Variants in AGPAT1 observed in about 807,000 individuals in gnomAD.
AGPAT1 encodes the protein 1-acylglycerol-3-phosphate O-acyltransferase 1.
In AGPAT1, 6 loss-of-function variants were observed where a neutral mutation model predicts 31.2. The ratio of observed to expected loss-of-function variants is 0.19; its 90% CI spans 0.11 to 0.38. The LOEUF (loss-of-function observed/expected upper bound fraction) is 0.38. AGPAT1 is among the 10% of genes least tolerant of loss of function. The probability of loss-of-function intolerance (pLI) is 1.00; values close to 1 mark genes in which losing one functional copy is unlikely to be tolerated. For synonymous variants in AGPAT1, 139 were observed against 154.0 expected (o/e 0.90, Z 0.72); for missense variants, 187 against 377.8 (o/e 0.49, Z 4.19).
Position 32,171,679 on chromosome 6 carries a change from T to A in AGPAT1, c.-9-174A>T. Reference sequence around the variant, plus strand: ...GGAAGGCTCTCTAGGATGAGGGTGGTGGAGAAAGAGCTCAGGACTGCTCTC... The same window carrying A: ...GGAAGGCTCTCTAGGATGAGGGTGGAGGAGAAAGAGCTCAGGACTGCTCTC... On this transcript the variant is annotated intron_variant, in intron 1 of 6. Coordinates refer to ENST00000375107, the MANE Select transcript of AGPAT1 (RefSeq NM_006411.4). The surrounding 1 kb of genome is among the most constrained non-coding windows in gnomAD (Gnocchi z 6.9). 1 of 823,354 alleles carries A rather than the reference T, an allele frequency of 1.2e-6. No individual in the cohort carries two copies. Among genetic ancestry groups the A allele is most frequent in the Non-Finnish European group, 1.9e-6 (1 of 534,552 alleles). 51.0% of individuals were successfully genotyped at this position (823,354 alleles called of 1,614,324 possible).
In AGPAT1 at chr6:32,169,724, T is replaced by C. The variant is rs1784892462; in HGVS notation, c.679+242A>G. Among the ~76,000 whole-genome samples the C allele has an allele frequency of 6.6e-6, 1 of 152,180 alleles. No individual in the cohort carries two copies. On this transcript the variant is annotated intron_variant, in intron 6 of 6. Transcript: ENST00000375107. This position sits in a 1 kb window ranked among gnomAD's most constrained non-coding sequence, Gnocchi z 5.9. ...ATGAGTGTTATTCATTACAGCTTTGTGCACACAGGCCTTATCTTTCCTGTT... is the reference window on the plus strand; with the variant it reads ...ATGAGTGTTATTCATTACAGCTTTGCGCACACAGGCCTTATCTTTCCTGTT...
Position 32,169,160 on chromosome 6 carries a change from A to AT in AGPAT1, c.*115dup. ...GAAGTTGAAGATTCCAAAGAGGAGA[A>AT]TAAGTGGGGAGAGGGGAGACAAGGA... On this transcript the variant is annotated 3_prime_UTR_variant, in exon 7 of 7. Coordinates refer to ENST00000375107, the MANE Select transcript of AGPAT1 (RefSeq NM_006411.4). This position sits in a 1 kb window ranked among gnomAD's most constrained non-coding sequence, Gnocchi z 5.9. 9.0e-7 allele frequency: 1 copy of AT among 1,111,808 alleles called. No individual in the cohort carries two copies. The highest frequency in any genetic ancestry group is 1.6e-5 in the African/African-American group (1 of 63,878). 68.9% of individuals were successfully genotyped at this position (1,111,808 alleles called of 1,614,324 possible).
Position 32,171,011 on chromosome 6 carries a change from C to T in AGPAT1, c.260G>A (p.Arg87Gln), listed in dbSNP as rs1785049046. The change falls in exon 3 of 7, where the codon CGA (arginine) becomes CAA (glutamine). Residue 87 changes from arginine (R) to glutamine (Q), a missense_variant. By Grantham distance (43) the Arg-to-Gln change is conservative. This residue lies in a region of AGPAT1 where 113 missense variants were observed against 283.1 expected (regional missense o/e 0.40). Transcript: ENST00000375107. The surrounding 1 kb of genome is among the most constrained non-coding windows in gnomAD (Gnocchi z 6.9). The part of the protein sequence containing the change: ...KYLYGIRVEV[R>Q]GAHHFPPSQP... ...CGAGGGAGGGAAGTGGTGAGCCCCT[C>T]GCACCTCCACTCGGATCCCGTACAG... 5.0e-6 allele frequency: 8 copies of T among 1,612,698 alleles called. No individual in the cohort carries two copies. The highest frequency in any genetic ancestry group is 1.3e-5 in the African/African-American group (1 of 74,930).
chr6:32,177,369 C>T (rs1485589730), upstream of AGPAT1: 1 of 333,460 alleles, frequency 3.0e-6, no homozygotes, highest in Non-Finnish European at 5.4e-6. Flanking sequence ...CTAGCCTCCG[C>T]GGGTCTCCTT....
Position 32,175,839 on chromosome 6 carries a change from G to T in AGPAT1, c.-35C>A. 1 of 985,966 alleles carries T rather than the reference G, an allele frequency of 1.0e-6. No homozygotes were observed. The highest frequency in any genetic ancestry group is 1.2e-6 in the Non-Finnish European group (1 of 830,354). The allele number at this position is 985,966 out of a possible 1,614,324, so 61.1% of individuals were successfully genotyped here. A position where few individuals can be genotyped will look rare whatever the true frequency, so the allele number is the denominator to read the frequency against. On this transcript the variant is annotated 5_prime_UTR_variant, in exon 1 of 7. Transcript: ENST00000375107. This position sits in a 1 kb window ranked among gnomAD's most constrained non-coding sequence, Gnocchi z 4.5. ...CTCAGAGGGGTAGGGGGCCTGGGGGGCTGGCCCCCTCCCCAGCCAGGCTGC... is the reference window on the plus strand; with the variant it reads ...CTCAGAGGGGTAGGGGGCCTGGGGGTCTGGCCCCCTCCCCAGCCAGGCTGC...
rs988456570 is a variant in AGPAT1 at position 32,175,763 on chromosome 6, T to C, written c.-10+51A>G. ...ATCTCTCCCCTTCCCCTCATCCTAG[T>C]CGCTTTCAGCACCCTCTTCCCTCCT... On this transcript the variant is annotated intron_variant, in intron 1 of 6. Transcript: ENST00000375107. The surrounding 1 kb of genome is among the most constrained non-coding windows in gnomAD (Gnocchi z 4.5). 4.3e-6 allele frequency: 4 copies of C among 932,566 alleles called. No homozygotes were observed. Among genetic ancestry groups the C allele is most frequent in the Non-Finnish European group, 5.1e-6 (4 of 781,726 alleles). 57.8% of individuals were successfully genotyped at this position (932,566 alleles called of 1,614,324 possible). A position where few individuals can be genotyped will look rare whatever the true frequency, so the allele number is the denominator to read the frequency against.
In AGPAT1 at chr6:32,171,861, C is replaced by A; in HGVS notation, c.-9-356G>T. ...TATAATGGTCTATACTTGTGCTGTC[C>A]GAGAAAGTAGCCACCACCTACATGT... On this transcript the variant is annotated intron_variant, in intron 1 of 6. Transcript: ENST00000375107. The surrounding 1 kb of genome is among the most constrained non-coding windows in gnomAD (Gnocchi z 6.9). 2.9e-6 allele frequency: 1 copy of A among 342,200 alleles called. No individual in the cohort carries two copies. The highest frequency in any genetic ancestry group is 4.4e-5 in the Admixed American group (1 of 22,674). 21.2% of individuals were successfully genotyped at this position (342,200 alleles called of 1,614,324 possible). A position where few individuals can be genotyped will look rare whatever the true frequency, so the allele number is the denominator to read the frequency against.
At position 32,170,183 on chromosome 6, in the gene AGPAT1, A is replaced by G. The variant is rs1784951865; in HGVS notation, c.588T>C (p.His196=). Residue 196 remains histidine, a synonymous_variant, in exon 5 of 7, where the codon CAT becomes CAC. Coordinates refer to ENST00000375107, the MANE Select transcript of AGPAT1 (RefSeq NM_006411.4). The surrounding 1 kb of genome is among the most constrained non-coding windows in gnomAD (Gnocchi z 7.7). ...SMLPFKRGAF[H]LAVQAQVPIV... is the part of the protein sequence containing the mutation. ...TAGTCACCTGGGCCTGCACTGCAAG[A>G]TGGAAGGCGCCACGTTTGAAGGGCA... 1 of 1,614,010 alleles carries G rather than the reference A, an allele frequency of 6.2e-7. No individual in the cohort carries two copies. The highest frequency in any genetic ancestry group is 1.3e-5 in the African/African-American group (1 of 74,906).
In AGPAT1 at chr6:32,170,073, C is replaced by A; in HGVS notation, c.607-35G>T. On this transcript the variant is annotated intron_variant, in intron 5 of 6. Transcript: ENST00000375107. This position sits in a 1 kb window ranked among gnomAD's most constrained non-coding sequence, Gnocchi z 7.7. ...GGTTAAAGCAGGTCAGTCCACAGCT[C>A]TCTTCAGAGACTCCTACAATAAGCC... 6.2e-7 allele frequency: 1 copy of A among 1,611,324 alleles called. No individual in the cohort carries two copies. Among genetic ancestry groups the A allele is most frequent in the East Asian group, 2.2e-5 (1 of 44,854 alleles).
At position 32,172,966 on chromosome 6, in the gene AGPAT1, C is replaced by T. The variant is rs1172939106; in HGVS notation, c.-9-1461G>A. 2.0e-5 allele frequency: 3 copies of T among 152,206 alleles called. No individual in the cohort carries two copies. Among genetic ancestry groups the T allele is most frequent in the African/African-American group, 7.2e-5 (3 of 41,436 alleles). The allele number at this position is 152,206 out of a possible 1,614,324, so 9.4% of individuals were successfully genotyped here. A position where few individuals can be genotyped will look rare whatever the true frequency, so the allele number is the denominator to read the frequency against. ...GAATAGCTACAAAGACCAATCCTAC[C>T]TCCAGACAGGCAAACGAATCCTACT... On this transcript the variant is annotated intron_variant, in intron 1 of 6. Coordinates refer to ENST00000375107, the MANE Select transcript of AGPAT1 (RefSeq NM_006411.4). This position sits in a 1 kb window ranked among gnomAD's most constrained non-coding sequence, Gnocchi z 4.3.
In AGPAT1 at chr6:32,175,921, G is replaced by A; in HGVS notation, c.-117C>T. On this transcript the variant is annotated 5_prime_UTR_variant, in exon 1 of 7. Coordinates refer to ENST00000375107, the MANE Select transcript of AGPAT1 (RefSeq NM_006411.4). This position sits in a 1 kb window ranked among gnomAD's most constrained non-coding sequence, Gnocchi z 4.5. The stretch of plus-strand genomic sequence containing the variant: ...GTCTCTGTCGGGGTGTCGGTGCCAA[G>A]GGGGCGACGGGATTTGGGGGTGTCC... 1.0e-6 allele frequency: 1 copy of A among 985,854 alleles called. No individual in the cohort carries two copies. Among genetic ancestry groups the A allele is most frequent in the Non-Finnish European group, 1.2e-6 (1 of 830,238 alleles). The allele number at this position is 985,854 out of a possible 1,614,324, so 61.1% of individuals were successfully genotyped here.
In AGPAT1 at chr6:32,170,015, C is replaced by A; in HGVS notation, c.630G>T (p.Met210Ile). ...QAQVPIVPIV[M>I]SSYQDFYCKK... The stretch of plus-strand genomic sequence containing the variant: ...TGCAGTAGAAGTCTTGGTAGGAGGA[C>A]ATGACTATGGGGACAATGGGAACCT... Residue 210 changes from methionine to isoleucine, a missense_variant, in exon 6 of 7, where the codon ATG becomes ATT. Met to Ile is a conservative substitution (Grantham distance 10). This residue lies in a region of AGPAT1 where 113 missense variants were observed against 283.1 expected (regional missense o/e 0.40). Coordinates refer to ENST00000375107, the MANE Select transcript of AGPAT1 (RefSeq NM_006411.4). This position sits in a 1 kb window ranked among gnomAD's most constrained non-coding sequence, Gnocchi z 7.7. 6.2e-7 allele frequency: 1 copy of A among 1,613,968 alleles called. No individual in the cohort carries two copies. The highest frequency in any genetic ancestry group is 8.5e-7 in the Non-Finnish European group (1 of 1,180,018).
At position 32,175,037 on chromosome 6, in the gene AGPAT1, A is replaced by T. The variant is rs1465538441; in HGVS notation, c.-10+777T>A. 2.6e-5 allele frequency among the ~76,000 whole-genome samples: 4 copies of T among 152,248 alleles called. No homozygotes were observed. Among genetic ancestry groups the T allele is most frequent in the Admixed American group, 1.3e-4 (2 of 15,282 alleles). ...ACTACTGCAAATGGTAGGACCATGG[A>T]CATGTCAGCCAAAGCAAAATAAGGT... On this transcript the variant is annotated intron_variant, in intron 1 of 6. Coordinates refer to ENST00000375107, the MANE Select transcript of AGPAT1 (RefSeq NM_006411.4). The surrounding 1 kb of genome is among the most constrained non-coding windows in gnomAD (Gnocchi z 4.5).
rs1216104062 is a variant in AGPAT1, at chr6:32,168,982, T to A, written c.*294A>T. On this transcript the variant is annotated 3_prime_UTR_variant, in exon 7 of 7. Coordinates refer to ENST00000375107, the MANE Select transcript of AGPAT1 (RefSeq NM_006411.4). The surrounding 1 kb of genome is among the most constrained non-coding windows in gnomAD (Gnocchi z 4.5). ...GGGGATGGAATGTTCCCCTCCCTTG[T>A]GTAGGCTGAGTCACTGGAGATGAGG... The A allele has an allele frequency of 4.1e-6, 2 of 491,538 alleles. No homozygotes were observed. The highest frequency in any genetic ancestry group is 3.3e-5 in the Admixed American group (1 of 29,998). 30.4% of individuals were successfully genotyped at this position (491,538 alleles called of 1,614,324 possible).
chr6:32,172,682 C>G lies in AGPAT1; in HGVS notation c.-9-1177G>C, dbSNP rs551727417. 2.0e-5 allele frequency among the ~76,000 whole-genome samples: 3 copies of G among 152,140 alleles called. No homozygotes were observed. The highest frequency in any genetic ancestry group is 7.2e-5 in the African/African-American group (3 of 41,496). Reference sequence around the variant, plus strand: ...CTGGTATGTATTGCATATATATATACGAACACAGCACACAGCATATATGGT... The same window carrying G: ...CTGGTATGTATTGCATATATATATAGGAACACAGCACACAGCATATATGGT... On this transcript the variant is annotated intron_variant, in intron 1 of 6. Coordinates refer to ENST00000375107, the MANE Select transcript of AGPAT1 (RefSeq NM_006411.4). This position sits in a 1 kb window ranked among gnomAD's most constrained non-coding sequence, Gnocchi z 4.3.
At chr6:32,177,724 C>T (rs556232978), upstream of AGPAT1, 1 of 152,312 alleles carries the variant, frequency 6.6e-6, no homozygotes, top group South Asian at 2.1e-4. Flanking sequence ...CCATTTTGAA[C>T]CCTGCGACCC....
Position 32,170,373 on chromosome 6 carries a change from A to T in AGPAT1, c.510+52T>A. ...TGGCCCTGCATATCAGTTTATTTAC[A>T]ACTGTTCTACTCTGTATCCCTCCAA... On this transcript the variant is annotated intron_variant, in intron 4 of 6. Transcript: ENST00000375107. This position sits in a 1 kb window ranked among gnomAD's most constrained non-coding sequence, Gnocchi z 7.7. 4 of 1,613,110 alleles carry T rather than the reference A, an allele frequency of 2.5e-6. No individual in the cohort carries two copies. Among genetic ancestry groups the T allele is most frequent in the Non-Finnish European group, 3.4e-6 (4 of 1,179,168 alleles).
chr6:32,169,811 G>A lies in AGPAT1; in HGVS notation c.679+155C>T. 1 of 711,188 alleles carries A rather than the reference G, an allele frequency of 1.4e-6. No homozygotes were observed. Among genetic ancestry groups the A allele is most frequent in the Non-Finnish European group, 2.4e-6 (1 of 415,974 alleles). The allele number at this position is 711,188 out of a possible 1,614,324, so 44.1% of individuals were successfully genotyped here. On this transcript the variant is annotated intron_variant, in intron 6 of 6. Coordinates refer to ENST00000375107, the MANE Select transcript of AGPAT1 (RefSeq NM_006411.4). This position sits in a 1 kb window ranked among gnomAD's most constrained non-coding sequence, Gnocchi z 5.9. ...CTACCCATCTGGCAGGGTATGGTGG[G>A]TGCTTAGTAAAGACTTATTGGCTGA...
At chr6:32,177,328 A>G (rs998254536), upstream of AGPAT1, 2 of 377,934 alleles carry the variant, frequency 5.3e-6, no homozygotes, top group African/African-American at 4.2e-5. Context: ...CCTATTTCTG[A>G]TGGGCAAATT....
Sources: allele counts gnomAD v4.1 joint callset (sites outside exome capture counted in the v4.1 genomes callset), GRCh38; gene constraint gnomAD v4.1.1; regional missense constraint gnomAD v4.1.1; non-coding constraint Gnocchi (gnomAD v3.1); transcripts MANE v1.5; gene names NCBI Gene and HGNC (gene_info 2026-07-23, HGNC 2026-07-21).